The following TRIM59 variants were observed in gnomAD, a reference collection of about 807,000 sequenced individuals.
TRIM59 encodes tripartite motif-containing protein 59.
In TRIM59, 14 loss-of-function variants were observed where a neutral mutation model predicts 32.2. The observed-to-expected ratio is 0.43, with a 90% CI of 0.29 to 0.68. The LOEUF (loss-of-function observed/expected upper bound fraction) is 0.68, where lower values mean the gene tolerates loss of function less well. Among genes scored for constraint, TRIM59 ranks in the 30% least tolerant of loss-of-function variants. TRIM59 has a pLI of 0.15. For missense variants in TRIM59, 471 were observed against 463.3 expected, an observed-to-expected ratio of 1.02 and a Z score of -0.15; for synonymous variants, 163 against 155.1, an observed-to-expected ratio of 1.05 and a Z score of -0.38.
intron 2 of TRIM59, among the ~76,000 whole-genome samples, chr3:160,443,004 A>G (rs773171982): frequency 6.6e-6 from 1 of 152,194 alleles, no homozygotes; most frequent in Non-Finnish European, 1.5e-5. Context: ...CTATAATCCC[A>G]GCTACGCGGG....
chr3:160,441,045 G>A (rs890277637), intron 2 of TRIM59, among the ~76,000 whole-genome samples: 14 of 152,184 alleles, frequency 9.2e-5, no homozygotes, highest in Admixed American at 4.6e-4. Flanking sequence ...TTAATAAAAT[G>A]CAAACTTGGC....
At chr3:160,449,578 CA>C in intron 1 of TRIM59, 138 bp downstream of exon 1, 1 of 1,288,690 alleles carries the variant, frequency 7.8e-7, no homozygotes. Flanking sequence ...GGAATGAGTG[CA>C]GGTCCCAAGC....
Position 160,438,100 on chromosome 3 carries a change from T to C in TRIM59, c.1084A>G (p.Ile362Val), listed in dbSNP as rs961819527. ...IITFLSEITLIWFSEASLSVY... is the reference protein window; with the variant it reads ...IITFLSEITLVWFSEASLSVY... ...GATAGAGAGGCTTCAGAAAACCATA[T>C]TAAAGTGATTTCACTTAAAAAGGTT... The change falls in exon 3 of 3, where the codon ATA becomes GTA. Residue 362 changes from isoleucine to valine, a missense_variant. Ile to Val is a conservative substitution (Grantham distance 29, BLOSUM62 3). Transcript: ENST00000309784. 13 of 1,612,846 alleles carry C rather than the reference T, an allele frequency of 8.1e-6. No individual in the cohort carries two copies. The highest frequency in any genetic ancestry group is 1.1e-5 in the Non-Finnish European group (13 of 1,179,656).
In TRIM59 at chr3:160,445,414, CTT is replaced by C. The variant is rs563414033; in HGVS notation, c.-4+3310_-4+3311del. On this transcript the variant is annotated intron_variant, in intron 2 of 2. Coordinates refer to ENST00000309784, the MANE Select transcript of TRIM59 (RefSeq NM_173084.3). ...TTCCAGCCTAGACTACAGAGCCACA[CTT>C]TGTCTCAAAAAATAAAAAAAGAATA... Among the ~76,000 whole-genome samples, 916 of 151,994 alleles carry C rather than the reference CTT, an allele frequency of 6.0e-3. 5 individuals carry two copies. The highest frequency in any genetic ancestry group is 9.3e-3 in the Non-Finnish European group (635 of 67,974).
At position 160,435,689 on chromosome 3, in the gene TRIM59, C is replaced by T; in HGVS notation, c.*2283G>A. The T allele has an allele frequency of 4.0e-6, 1 of 250,890 alleles. No homozygotes were observed. The highest frequency in any genetic ancestry group is 4.2e-5 in the South Asian group (1 of 23,882). The allele number at this position is 250,890 out of a possible 1,614,324, so 15.5% of individuals were successfully genotyped here. On this transcript the variant is annotated 3_prime_UTR_variant, in exon 3 of 3. Transcript: ENST00000309784. The stretch of plus-strand genomic sequence containing the variant: ...CATACTTAACAAAATGAAAAGTTCT[C>T]CTAAAAACTGGCAAGATACAAAATG...
rs750834283 is a variant in TRIM59 at position 160,438,942 on chromosome 3, G to C, written c.242C>G (p.Ala81Gly). 1 of 1,614,068 alleles carries C rather than the reference G, an allele frequency of 6.2e-7. No homozygotes were observed. Among genetic ancestry groups the C allele is most frequent in the Non-Finnish European group, 8.5e-7 (1 of 1,179,998 alleles). The change falls in exon 3 of 3, where the codon GCT (alanine) becomes GGT (glycine). Residue 81 changes from alanine (A) to glycine (G), a missense_variant. By Grantham distance (60) the Ala-to-Gly change is moderately conservative. Coordinates refer to ENST00000309784, the MANE Select transcript of TRIM59 (RefSeq NM_173084.3). ...ESLPVNFALR[A>G]IIEKYQQEDH... Reference sequence around the variant, plus strand: ...TTCTTGCTGGTACTTTTCAATAATAGCCCTTAGTGCAAAATTAACAGGTAA... The same window carrying C: ...TTCTTGCTGGTACTTTTCAATAATACCCCTTAGTGCAAAATTAACAGGTAA...
rs1366469180 is a variant in TRIM59, at chr3:160,437,551, T to C, written c.*421A>G. On this transcript the variant is annotated 3_prime_UTR_variant, in exon 3 of 3. Transcript: ENST00000309784. The stretch of plus-strand genomic sequence containing the variant: ...TTTTGAAACCTTTCTATCATCCTTA[T>C]TCACCCATTCAAAAGCTTCAAGCCA... 7 of 986,174 alleles carry C rather than the reference T, an allele frequency of 7.1e-6. No individual in the cohort carries two copies. In the African/African-American group the frequency reaches 8.7e-5, roughly 12 times the overall value. The allele number at this position is 986,174 out of a possible 1,614,324, so 61.1% of individuals were successfully genotyped here. A position where few individuals can be genotyped will look rare whatever the true frequency, so the allele number is the denominator to read the frequency against.
intron 2 of TRIM59, among the ~76,000 whole-genome samples, chr3:160,443,456 A>C (rs976297128): frequency 5.9e-5 from 9 of 152,166 alleles, no homozygotes; most frequent in African/African-American, 2.2e-4. Context: ...TTTTTATATA[A>C]AGACAGTTGG....
At chr3:160,442,678 T>G (rs1719317472) in intron 2 of TRIM59, among the ~76,000 whole-genome samples, 1 of 152,180 alleles carries the variant, frequency 6.6e-6, no homozygotes, top group Admixed American at 6.5e-5. Context: ...TTCACAGAAG[T>G]CAAAATCTAT....
In TRIM59 at chr3:160,437,793, G is replaced by T. The variant is rs763862654; in HGVS notation, c.*179C>A. On this transcript the variant is annotated 3_prime_UTR_variant, in exon 3 of 3. Coordinates refer to ENST00000309784, the MANE Select transcript of TRIM59 (RefSeq NM_173084.3). ...ACTAGATTCTGTTTCCCAAAGATTT[G>T]ACTATTTCAGATATAACTTTGACAT... 3.1e-5 allele frequency: 39 copies of T among 1,249,014 alleles called. No homozygotes were observed. Among genetic ancestry groups the T allele is most frequent in the Non-Finnish European group, 3.5e-5 (35 of 998,436 alleles). The allele number at this position is 1,249,014 out of a possible 1,614,324, so 77.4% of individuals were successfully genotyped here. A position where few individuals can be genotyped will look rare whatever the true frequency, so the allele number is the denominator to read the frequency against.
In TRIM59 at chr3:160,436,747, G is replaced by A. The variant is rs1176317447; in HGVS notation, c.*1225C>T. The A allele has an allele frequency of 6.4e-5, 46 of 714,424 alleles. No homozygotes were observed. Among genetic ancestry groups the A allele is most frequent in the Admixed American group, 9.0e-5 (1 of 11,098 alleles). The allele number at this position is 714,424 out of a possible 1,614,324, so 44.3% of individuals were successfully genotyped here. A position where few individuals can be genotyped will look rare whatever the true frequency, so the allele number is the denominator to read the frequency against. On this transcript the variant is annotated 3_prime_UTR_variant, in exon 3 of 3. Coordinates refer to ENST00000309784, the MANE Select transcript of TRIM59 (RefSeq NM_173084.3). ...CGGGAGGCGGGGCTTGCAATGAGCC[G>A]AGATCACGCCACTGCACTCCAGCCT... is the stretch of plus-strand genomic sequence containing the variant.
Position 160,448,832 on chromosome 3 carries a change from TTTA to T in TRIM59, c.-73-40_-73-38del, listed in dbSNP as rs1158765443. On this transcript the variant is annotated intron_variant, in intron 1 of 2. Transcript: ENST00000309784. ...ATAATGTTATCTTTAATGTTTTCAA[TTTA>T]TTGTCTCATGTCATAAAAATGGTTG... is the stretch of plus-strand genomic sequence containing the variant. The T allele has an allele frequency of 3.7e-6, 4 of 1,079,870 alleles. No individual in the cohort carries two copies. The East Asian group carries it at 1.8e-4, about 49-fold the overall frequency. 66.9% of individuals were successfully genotyped at this position (1,079,870 alleles called of 1,614,324 possible).
Position 160,438,712 on chromosome 3 carries a change from T to A in TRIM59, c.472A>T (p.Thr158Ser). Reference sequence around the variant, plus strand: ...TTTTCAATAAGATGGGTAAGATCTGTCCAGTGTGTGTCAGTCAACTGTTCA... The same window carrying A: ...TTTTCAATAAGATGGGTAAGATCTGACCAGTGTGTGTCAGTCAACTGTTCA... ...LLEQLTDTHW[T>S]DLTHLIEKLK... The change falls in exon 3 of 3, where the codon ACA (threonine) becomes TCA (serine). Residue 158 changes from threonine (T) to serine (S), a missense_variant. Coordinates refer to ENST00000309784, the MANE Select transcript of TRIM59 (RefSeq NM_173084.3). The A allele has an allele frequency of 6.2e-7, 1 of 1,614,058 alleles. No individual in the cohort carries two copies. Among genetic ancestry groups the A allele is most frequent in the Non-Finnish European group, 8.5e-7 (1 of 1,179,996 alleles).
chr3:160,439,665 C>T (rs1164366901), intron 2 of TRIM59, among the ~76,000 whole-genome samples: 1 of 152,088 alleles, frequency 6.6e-6, no homozygotes, highest in Non-Finnish European at 1.5e-5. Flanking sequence ...CACTCATTCT[C>T]TTTTCTTGTC....
chr3:160,438,026 C>T lies in TRIM59; in HGVS notation c.1158G>A (p.Leu386=), dbSNP rs1440161246. 6.4e-7 allele frequency: 1 copy of T among 1,570,318 alleles called. No individual in the cohort carries two copies. The highest frequency in any genetic ancestry group is 8.6e-7 in the Non-Finnish European group (1 of 1,165,822). ...SNSLHKVKNI[L]CHIFYLLKEF... is the part of the protein sequence containing the mutation. ...CCTTCAACAAATAGAAAATGTGACA[C>T]AGTATATTCTTTACCTTATGCAGAC... The change falls in exon 3 of 3, where the codon CTG becomes CTA. Residue 386 remains leucine, a synonymous_variant. Coordinates refer to ENST00000309784, the MANE Select transcript of TRIM59 (RefSeq NM_173084.3).
At position 160,439,082 on chromosome 3, in the gene TRIM59, CA is replaced by C; in HGVS notation, c.101del (p.Leu34TrpfsTer46). The C allele has an allele frequency of 6.4e-7, 1 of 1,556,654 alleles. No homozygotes were observed. ...TACCAGATGCCTGAAGAATGTTTTC[CA>C]AACAATTTCTACAAAATGTATGAGA... Reference protein sequence around the residue: ...PCSHTFCRNCLENILQASGNF... With the variant: ...PCSHTFCRNCXENILQASGNF... On this transcript the variant is annotated frameshift_variant, in exon 3 of 3. Transcript: ENST00000309784. LOFTEE classifies it high-confidence loss of function.
intron 2 of TRIM59, among the ~76,000 whole-genome samples, chr3:160,441,437 G>A (rs1010001295): frequency 1.3e-5 from 2 of 152,078 alleles, no homozygotes; most frequent in Non-Finnish European, 2.9e-5. Flanking sequence ...AGGAAAAGGT[G>A]TAAAACGAAA....
chr3:160,440,897 G>A (rs184665858), intron 2 of TRIM59, among the ~76,000 whole-genome samples: 7 of 152,090 alleles, frequency 4.6e-5, no homozygotes, highest in Admixed American at 1.3e-4. Flanking sequence ...CAACAAGAGC[G>A]AAACTCCGTC....
chr3:160,449,400 G>A (rs1577022355), intron 1 of TRIM59: 4 of 860,012 alleles, frequency 4.7e-6, no homozygotes, highest in South Asian at 2.1e-5. Context: ...CTCCTAACGC[G>A]CCTCCACCTC....
Sources: allele counts gnomAD v4.1 joint callset (sites outside exome capture counted in the v4.1 genomes callset), GRCh38; gene constraint gnomAD v4.1.1; transcripts MANE v1.5; gene names NCBI Gene and HGNC (gene_info 2026-07-23, HGNC 2026-07-21).